Variants in PCDH15 observed in about 807,000 individuals in gnomAD.
PCDH15 encodes protocadherin-15.
A neutral mutation model predicts 178.5 loss-of-function variants in PCDH15; 129 were observed. The ratio of observed to expected loss-of-function variants is 0.72; its 90% CI spans 0.63 to 0.84. PCDH15 has a LOEUF of 0.84. Ranked by LOEUF, PCDH15 falls within the 40% of genes least tolerant of loss-of-function variation. The pLI is 0.00. For missense variants in PCDH15, 2,230 were observed against 2,099.9 expected, an observed-to-expected ratio of 1.06 and a Z score of -1.21; for synonymous variants, 800 against 732.0, an observed-to-expected ratio of 1.09 and a Z score of -1.50.
chr10:53,963,565 T>C (rs955014870), intron 21 of PCDH15, among the ~76,000 whole-genome samples: 4 of 152,194 alleles, frequency 2.6e-5, no homozygotes. Context: ...GGCTAAACTC[T>C]GAACATTTTA....
intron 9 of PCDH15, among the ~76,000 whole-genome samples, chr10:54,215,808 G>T (rs549660608): frequency 6.6e-6 from 1 of 151,938 alleles, no homozygotes; most frequent in Non-Finnish European, 1.5e-5. Flanking sequence ...TTGGGAGGCC[G>T]AGACGGGCGG....
intron 3 of PCDH15, among the ~76,000 whole-genome samples, chr10:54,860,091 G>A (rs1170760801): frequency 6.6e-6 from 1 of 152,056 alleles, no homozygotes; most frequent in Non-Finnish European, 1.5e-5. Context: ...GTATGCATGT[G>A]TGTGGGGGTG....
intron 3 of PCDH15, among the ~76,000 whole-genome samples, chr10:54,484,595 C>A (rs1007371500): frequency 6.6e-6 from 1 of 151,956 alleles, no homozygotes; most frequent in South Asian, 2.1e-4. Context: ...AAATCAGATA[C>A]AAGCCACATT....
At chr10:55,577,115 G>A (rs1028850172) in intron 2 of PCDH15, among the ~76,000 whole-genome samples, 5 of 152,108 alleles carry the variant, frequency 3.3e-5, no homozygotes, top group South Asian at 2.1e-4. Flanking sequence ...GGTGTTGCAC[G>A]CCTGTAGTCC....
chr10:54,685,823 G>C (rs1203326095), intron 1 of PCDH15, among the ~76,000 whole-genome samples: 2 of 152,066 alleles, frequency 1.3e-5, no homozygotes, highest in African/African-American at 2.4e-5. Context: ...GTTGAATATA[G>C]TATGTGACTG....
chr10:54,617,265 G>A (rs1436349020), intron 2 of PCDH15, among the ~76,000 whole-genome samples: 1 of 151,542 alleles, frequency 6.6e-6, no homozygotes. Flanking sequence ...CCAGTGGGAT[G>A]GTAGCCATTG....
chr10:54,880,067 C>A (rs1017674331), intron 3 of PCDH15, among the ~76,000 whole-genome samples: 5 of 152,048 alleles, frequency 3.3e-5, no homozygotes, highest in Non-Finnish European at 5.9e-5. Flanking sequence ...AAATTAAAAT[C>A]CTGATTCAAT....
chr10:55,343,267 A>T (rs925409608), intron 2 of PCDH15, among the ~76,000 whole-genome samples: 3 of 152,190 alleles, frequency 2.0e-5, no homozygotes, highest in African/African-American at 4.8e-5. Context: ...AGTGAAATGC[A>T]TGCTGTCTAC....
At chr10:55,077,224 A>T (rs1841917386) in intron 2 of PCDH15, among the ~76,000 whole-genome samples, 1 of 151,870 alleles carries the variant, frequency 6.6e-6, no homozygotes, top group East Asian at 1.9e-4. Flanking sequence ...TTTTTAATCC[A>T]TTCAGCTCAT....
intron 1 of PCDH15, among the ~76,000 whole-genome samples, chr10:54,712,199 CAAAG>C (rs1425217638): frequency 6.6e-6 from 1 of 151,412 alleles, no homozygotes; most frequent in African/African-American, 2.4e-5. Context: ...AAGGGAGAGA[CAAAG>C]AAAATCTATT....
intron 1 of PCDH15, among the ~76,000 whole-genome samples, chr10:54,793,804 T>G (rs1951679432): frequency 6.7e-6 from 1 of 148,994 alleles, no homozygotes; most frequent in Non-Finnish European, 1.5e-5. Context: ...AACCAAATGT[T>G]AAATAGCGTA....
In PCDH15 at chr10:55,257,523, C is replaced by G. The variant is rs369686368; in HGVS notation, c.-156+62076G>C. 1.8e-4 allele frequency among the ~76,000 whole-genome samples: 28 copies of G among 152,190 alleles called. No individual in the cohort carries two copies. In the East Asian group the frequency reaches 2.5e-3, roughly 14 times the overall value. ...CTAGAATAACCAATGCAGAGAAGTC[C>G]TTAAAGGACCTGATGGAGCTGAAAA... On this transcript the variant is annotated intron_variant, in intron 1 of 5. Transcript: ENST00000458638.
At chr10:54,736,699 T>A (rs1944172434) in intron 1 of PCDH15, among the ~76,000 whole-genome samples, 1 of 152,090 alleles carries the variant, frequency 6.6e-6, no homozygotes, top group Admixed American at 6.6e-5. Context: ...CTTCTTCTAC[T>A]AGGTTTTAAG....
chr10:53,807,649 CA>C (rs555971859), intron 37 of PCDH15, among the ~76,000 whole-genome samples: 65 of 151,236 alleles, frequency 4.3e-4, no homozygotes, highest in Non-Finnish European at 8.0e-4. Flanking sequence ...ATAATTTAAG[CA>C]TTTATTTACT....
intron 2 of PCDH15, among the ~76,000 whole-genome samples, chr10:55,480,220 A>C (rs748071635): frequency 1.3e-5 from 2 of 151,696 alleles, no homozygotes; most frequent in Non-Finnish European, 3.0e-5. Context: ...CAGTGTAAGA[A>C]GCTCTGAGGC....
intron 18 of PCDH15, among the ~76,000 whole-genome samples, chr10:54,047,027 A>G (rs889519020): frequency 5.3e-5 from 8 of 152,140 alleles, no homozygotes; most frequent in African/African-American, 1.9e-4. Context: ...TATAAAACAG[A>G]AGTGCAATTT....
At chr10:55,321,016 G>C (rs1054882584), upstream of PCDH15, among the ~76,000 whole-genome samples, 1 of 151,768 alleles carries the variant, frequency 6.6e-6, no homozygotes, top group African/African-American at 2.4e-5. Context: ...AGAAAGTCAA[G>C]CCCAATTCAA....
intron 26 of PCDH15, among the ~76,000 whole-genome samples, chr10:53,888,309 T>TATATATATATATATATGTATATATATAC (rs59199185): frequency 9.3e-6 from 1 of 107,812 alleles, no homozygotes; most frequent in African/African-American, 3.9e-5. Context: ...TATATATATA[T>TATATATATATATATATGTATATATATAC]GTATATATGT....
chr10:54,524,657 A>C (rs1273942808), intron 3 of PCDH15, among the ~76,000 whole-genome samples: 2 of 152,224 alleles, frequency 1.3e-5, no homozygotes, highest in Non-Finnish European at 2.9e-5. Context: ...AGACATTCTC[A>C]CTTAATTAAA....
Sources: allele counts gnomAD v4.1 joint callset (sites outside exome capture counted in the v4.1 genomes callset), GRCh38; gene constraint gnomAD v4.1.1; transcripts MANE v1.5; gene names NCBI Gene and HGNC (gene_info 2026-07-23, HGNC 2026-07-21).